Variants in CCDC88C observed in about 807,000 individuals in gnomAD.
CCDC88C encodes the protein coiled-coil and HOOK domain protein 88C.
A neutral mutation model predicts 198.8 loss-of-function variants in CCDC88C; 131 were observed. The ratio of observed to expected loss-of-function variants is 0.66; its 90% confidence interval spans 0.57 to 0.76. The LOEUF is 0.76. Among genes scored for constraint, CCDC88C ranks in the 30% least tolerant of loss-of-function variants. CCDC88C has a pLI of 0.00. For synonymous variants in CCDC88C, 1,166 were observed against 1,114.7 expected, an observed-to-expected ratio of 1.05 and a Z score of -0.92; for missense variants, 2,553 against 2,631.6, an observed-to-expected ratio of 0.97 and a Z score of 0.65.
chr14:91,313,196 T>C lies in CCDC88C; in HGVS notation c.2620A>G (p.Lys874Glu), dbSNP rs1450481514. The C allele has an allele frequency of 6.2e-6, 10 of 1,613,740 alleles. No homozygotes were observed. The highest frequency in any genetic ancestry group is 8.5e-6 in the Non-Finnish European group (10 of 1,179,892). The stretch of plus-strand genomic sequence containing the variant: ...GCGTCCCTGCAGCGGGCCAGCTCCT[T>C]GTCCAGCGCGCGGCTCTCCTTCTCA... ...AVEKESRALD[K>E]ELARCRDAAG... is the part of the protein sequence containing the mutation. The change falls in exon 15 of 30, where the codon AAG becomes GAG. Residue 874 changes from lysine to glutamate, a missense_variant. This residue lies in a region of CCDC88C where 1,260 missense variants were observed against 1,412.0 expected (regional missense o/e 0.89). Transcript: ENST00000389857. This position sits in a 1 kb window ranked among gnomAD's most constrained non-coding sequence, Gnocchi z 5.2.
chr14:91,368,275 C>T (rs540985940), intron 3 of CCDC88C, among the ~76,000 whole-genome samples: 1 of 152,174 alleles, frequency 6.6e-6, no homozygotes, highest in African/African-American at 2.4e-5. Flanking sequence ...GAAAATCTGA[C>T]ACCATATTCC....
intron 10 of CCDC88C, among the ~76,000 whole-genome samples, chr14:91,334,858 C>T (rs1166945221): frequency 1.3e-5 from 2 of 152,096 alleles, no homozygotes; most frequent in Non-Finnish European, 2.9e-5. Flanking sequence ...TACCTGGCTC[C>T]CATCTCAAAG....
rs1189805137 is a variant in CCDC88C, at chr14:91,297,395, C to T, written c.3876G>A (p.Glu1292=). ...LKTSLNNAQL[E]LNRWQARFDE... ...CGAAGCGGGCCTGCCAGCGGTTGAG[C>T]TCCAGCTGCGCGTTGTTCAGTGAGG... is the stretch of plus-strand genomic sequence containing the variant. Residue 1292 remains glutamate (E), a synonymous_variant, in exon 22 of 30, where the codon GAG becomes GAA. Coordinates refer to ENST00000389857, the MANE Select transcript of CCDC88C (RefSeq NM_001080414.4). The T allele has an allele frequency of 4.3e-6, 7 of 1,612,912 alleles. No individual in the cohort carries two copies. Among genetic ancestry groups the T allele is most frequent in the Non-Finnish European group, 5.9e-6 (7 of 1,179,512 alleles).
intron 3 of CCDC88C, among the ~76,000 whole-genome samples, chr14:91,363,028 T>C (rs17127269): frequency 0.052 from 7,977 of 152,222 alleles, 699 homozygotes; most frequent in African/African-American, 0.18. Flanking sequence ...TGTAATCCTA[T>C]GGCCAAAGCT....
At chr14:91,331,989 C>G (rs1230618463) in intron 10 of CCDC88C, among the ~76,000 whole-genome samples, 1 of 151,784 alleles carries the variant, frequency 6.6e-6, no homozygotes, top group Non-Finnish European at 1.5e-5. Flanking sequence ...GGTCTCTGCC[C>G]CTGGGTGCAG....
In CCDC88C at chr14:91,312,998, T is replaced by C. The variant is rs7152930; in HGVS notation, c.2736+82A>G. 4.7e-3 allele frequency: 5,094 copies of C among 1,075,618 alleles called. 179 individuals are homozygous for C. The African/African-American group carries it at 0.072, about 15-fold the overall frequency. 66.6% of individuals were successfully genotyped at this position (1,075,618 alleles called of 1,614,324 possible). ...CATTTAAGGAGGACACAGAGTCTTA[T>C]TTCTCTCCTGAAACCATGCACCACA... is the stretch of plus-strand genomic sequence containing the variant. On this transcript the variant is annotated intron_variant, in intron 15 of 29. Transcript: ENST00000389857.
chr14:91,338,771 C>CCTTA lies in CCDC88C; in HGVS notation c.810-205_810-202dup. 1.7e-6 allele frequency: 1 copy of CCTTA among 578,660 alleles called. No individual in the cohort carries two copies. Among genetic ancestry groups the CCTTA allele is most frequent in the South Asian group, 2.0e-5 (1 of 49,018 alleles). The allele number at this position is 578,660 out of a possible 1,614,324, so 35.8% of individuals were successfully genotyped here. On this transcript the variant is annotated intron_variant, in intron 8 of 29. Transcript: ENST00000389857. This position sits in a 1 kb window ranked among gnomAD's most constrained non-coding sequence, Gnocchi z 4.8. ...CTTTTCATAAGTTTGCAACACCGGC[C>CCTTA]CTTAAACTATGTCCATCCGCCACTC... is the stretch of plus-strand genomic sequence containing the variant.
At chr14:91,350,161 C>T (rs1318281106) in intron 4 of CCDC88C, among the ~76,000 whole-genome samples, 3 of 151,554 alleles carry the variant, frequency 2.0e-5, no homozygotes, top group Non-Finnish European at 1.5e-5. Flanking sequence ...GTTCAGAAGA[C>T]ACTTTTTTTT....
At chr14:91,343,047 T>G (rs1287201868) in intron 5 of CCDC88C, among the ~76,000 whole-genome samples, 1 of 152,164 alleles carries the variant, frequency 6.6e-6, no homozygotes, top group African/African-American at 2.4e-5. Context: ...CTCAAACTCC[T>G]GCACTCAAGT....
chr14:91,315,529 G>A, intron 14 of CCDC88C, 121 bp downstream of exon 14: 1 of 1,123,854 alleles, frequency 8.9e-7, no homozygotes, highest in Non-Finnish European at 1.2e-6. Context: ...TTAAGCTGTG[G>A]CTAAGCTAGG....
intron 3 of CCDC88C, among the ~76,000 whole-genome samples, chr14:91,365,674 G>C (rs35859779): frequency 0.065 from 9,941 of 152,150 alleles, 1,088 homozygotes; most frequent in African/African-American, 0.22. Flanking sequence ...CCTTAGCCCC[G>C]CTCTGAGAAC....
At chr14:91,402,495 A>T (rs1844568263) in intron 3 of CCDC88C, among the ~76,000 whole-genome samples, 1 of 152,230 alleles carries the variant, frequency 6.6e-6, no homozygotes, top group Non-Finnish European at 1.5e-5. Flanking sequence ...GAAAGATCAC[A>T]CAAAGCTGTG....
rs2139789113 is a variant in CCDC88C at position 91,307,099 on chromosome 14, T to C, written c.3134A>G (p.His1045Arg). 1.9e-6 allele frequency: 3 copies of C among 1,613,918 alleles called. No homozygotes were observed. Among genetic ancestry groups the C allele is most frequent in the Non-Finnish European group, 1.7e-6 (2 of 1,179,860 alleles). ...GAGAAGCTCCATGGTGGCTTCCTTA[T>C]GGCCGGGCCCCCAGGCCTCCTTCCC... ...HQGKEAWGPG[H>R]KEATMELLRV... The change falls in exon 18 of 30, where the codon CAT (histidine) becomes CGT (arginine). Residue 1045 changes from histidine to arginine, a missense_variant. Physicochemically the swap from His to Arg is conservative, Grantham distance 29. This residue lies in a region of CCDC88C where 1,260 missense variants were observed against 1,412.0 expected (regional missense o/e 0.89). Coordinates refer to ENST00000389857, the MANE Select transcript of CCDC88C (RefSeq NM_001080414.4).
intron 3 of CCDC88C, among the ~76,000 whole-genome samples, chr14:91,400,581 C>T (rs1409688565): frequency 6.6e-6 from 1 of 152,250 alleles, no homozygotes; most frequent in Non-Finnish European, 1.5e-5. Context: ...TTCCCTCAGG[C>T]AGTCCTGCTG....
At chr14:91,416,694 C>G (rs776894399) in intron 2 of CCDC88C, 44 bp downstream of exon 2, 2 of 1,421,856 alleles carry the variant, frequency 1.4e-6, no homozygotes, top group Admixed American at 3.6e-5. Flanking sequence ...CTCAAACTTT[C>G]TAACGCACCA....
In CCDC88C at chr14:91,315,704, C is replaced by T; in HGVS notation, c.1611G>A (p.Glu537=). The T allele has an allele frequency of 6.2e-7, 1 of 1,613,910 alleles. No individual in the cohort carries two copies. Among genetic ancestry groups the T allele is most frequent in the Non-Finnish European group, 8.5e-7 (1 of 1,179,850 alleles). The change falls in exon 14 of 30, where the codon GAG becomes GAA. Residue 537 remains glutamate, a synonymous_variant. Coordinates refer to ENST00000389857, the MANE Select transcript of CCDC88C (RefSeq NM_001080414.4). ...CCATGTCACTCTGCAGCTGCTCCTT[C>T]TCTCTGATCAGCTCCTCACTGAGGG... ...LETLSEELIR[E]KEQLQSDMET...
At position 91,274,530 on chromosome 14, in the gene CCDC88C, T is replaced by A. The variant is rs111672936; in HGVS notation, c.5059-877A>T. ...ATGGGGGATGAGAGGCCGGCAGGTGTCAGCCTGAAGGCGGGTTGGTAGCTC... is the reference window on the plus strand; with the variant it reads ...ATGGGGGATGAGAGGCCGGCAGGTGACAGCCTGAAGGCGGGTTGGTAGCTC... On this transcript the variant is annotated intron_variant, in intron 29 of 29. Coordinates refer to ENST00000389857, the MANE Select transcript of CCDC88C (RefSeq NM_001080414.4). Among the ~76,000 whole-genome samples, 356 of 152,326 alleles carry A rather than the reference T, an allele frequency of 2.3e-3. 2 individuals carry two copies. The highest frequency in any genetic ancestry group is 8.3e-3 in the African/African-American group (346 of 41,584).
chr14:91,398,146 C>G (rs1885962505), intron 3 of CCDC88C, among the ~76,000 whole-genome samples: 1 of 152,222 alleles, frequency 6.6e-6, no homozygotes, highest in South Asian at 2.1e-4. Context: ...GGGCACAGAT[C>G]TGAGTCCCAC....
intron 3 of CCDC88C, among the ~76,000 whole-genome samples, chr14:91,389,431 C>T (rs1032833395): frequency 2.0e-5 from 3 of 152,148 alleles, no homozygotes; most frequent in Admixed American, 6.5e-5. Context: ...GGGATGCTTC[C>T]GTGTCTGACA....
Sources: gnomAD v4.1 joint callset for allele counts (sites outside exome capture counted in the v4.1 genomes callset) on GRCh38, gnomAD v4.1.1 for gene constraint, gnomAD v4.1.1 regional missense constraint, Gnocchi (gnomAD v3.1) non-coding constraint, MANE v1.5 for transcripts, NCBI Gene and HGNC (gene_info 2026-07-23, HGNC 2026-07-21) for gene names.